Variants in TP53BP1 observed in about 807,000 individuals in gnomAD.
TP53BP1 encodes the protein TP53-binding protein 1.
A neutral mutation model predicts 200.8 loss-of-function variants in TP53BP1; 61 were observed. The observed-to-expected ratio is 0.30, with a 90% CI of 0.25 to 0.38. The LOEUF is 0.38. Among genes scored for constraint, TP53BP1 ranks in the 10% least tolerant of loss-of-function variants. The pLI is 1.00. For missense variants in TP53BP1, 2,144 were observed against 2,371.9 expected, an observed-to-expected ratio of 0.90 and a Z score of 2.00; for synonymous variants, 822 against 844.3, an observed-to-expected ratio of 0.97 and a Z score of 0.46.
At chr15:43,496,734 C>T (rs954589346), upstream of TP53BP1, among the ~76,000 whole-genome samples, 1 of 151,764 alleles carries the variant, frequency 6.6e-6, no homozygotes, top group Admixed American at 6.6e-5. Context: ...ACTGATTCTC[C>T]TGCCTCAGCC....
intron 22 of TP53BP1, 35 bp downstream of exon 22, chr15:43,416,190 C>T: frequency 6.3e-7 from 1 of 1,583,922 alleles, no homozygotes; most frequent in Admixed American, 1.7e-5. Flanking sequence ...AGAACAGGAG[C>T]CCAAAAGCAG....
chr15:43,487,528 C>T (rs1384862465), intron 4 of TP53BP1, among the ~76,000 whole-genome samples: 1 of 152,164 alleles, frequency 6.6e-6, no homozygotes, highest in Non-Finnish European at 1.5e-5. Flanking sequence ...CACAGTGACT[C>T]ACACCTATAA....
chr15:43,508,296 G>T (rs1435130468), intron 1 of TP53BP1, among the ~76,000 whole-genome samples: 1 of 152,118 alleles, frequency 6.6e-6, no homozygotes, highest in Non-Finnish European at 1.5e-5. Flanking sequence ...GGAGGCAGAG[G>T]TTGCAGTGAA....
intron 11 of TP53BP1, among the ~76,000 whole-genome samples, chr15:43,459,016 C>A (rs879900856): frequency 3.3e-5 from 5 of 152,092 alleles, no homozygotes; most frequent in Non-Finnish European, 5.9e-5. Flanking sequence ...GATGTGCATC[C>A]AAATGATCAC....
intron 23 of TP53BP1, chr15:43,413,969 GGTAA>G (rs1180249232): frequency 5.4e-6 from 2 of 370,790 alleles, no homozygotes; most frequent in Non-Finnish European, 1.1e-5. Context: ...TCAACACCTG[GGTAA>G]GTAAGTGAAC....
rs1015416741 is a variant in TP53BP1, at chr15:43,406,163, A to C, written c.*1220T>G. 1 of 152,632 alleles carries C rather than the reference A, an allele frequency of 6.6e-6. No homozygotes were observed. The highest frequency in any genetic ancestry group is 1.5e-5 in the Non-Finnish European group (1 of 68,446). 9.5% of individuals were successfully genotyped at this position (152,632 alleles called of 1,614,324 possible). A position where few individuals can be genotyped will look rare whatever the true frequency, so the allele number is the denominator to read the frequency against. On this transcript the variant is annotated 3_prime_UTR_variant, in exon 28 of 28. Transcript: ENST00000382044. ...TTGCAGGCCCAATTACCCATCTTAC[A>C]CAAACCATAGGGGTTGAAGTTATCT... is the stretch of plus-strand genomic sequence containing the variant.
intron 21 of TP53BP1, among the ~76,000 whole-genome samples, chr15:43,419,878 T>C (rs1273898144): frequency 6.6e-6 from 1 of 152,212 alleles, no homozygotes; most frequent in Non-Finnish European, 1.5e-5. Flanking sequence ...AAATGCAATG[T>C]TGGATGCTGG....
chr15:43,478,597 TA>T (rs2140118479), intron 7 of TP53BP1, among the ~76,000 whole-genome samples: 1 of 152,272 alleles, frequency 6.6e-6, no homozygotes, highest in African/African-American at 2.4e-5. Flanking sequence ...GCTTTGGTTA[TA>T]AAAATCACGA....
intron 23 of TP53BP1, chr15:43,413,916 G>A (rs1395496631): frequency 2.9e-6 from 1 of 349,298 alleles, no homozygotes; most frequent in African/African-American, 2.2e-5. Context: ...TTTACACATA[G>A]ATGGTGCCAC....
chr15:43,414,024 G>C, intron 23 of TP53BP1: 1 of 438,118 alleles, frequency 2.3e-6, no homozygotes, highest in South Asian at 1.7e-5. Flanking sequence ...CCCCCAATAA[G>C]TCCTTGAGAA....
rs1233589778 is a variant in TP53BP1, at chr15:43,456,726, A to T, written c.1882T>A (p.Ser628Thr). 6.2e-7 allele frequency: 1 copy of T among 1,613,990 alleles called. No individual in the cohort carries two copies. Among genetic ancestry groups the T allele is most frequent in the Non-Finnish European group, 8.5e-7 (1 of 1,180,026 alleles). The change falls in exon 12 of 28, where the codon TCG becomes ACG. Residue 628 changes from serine (S) to threonine (T), a missense_variant. This residue lies in a region of TP53BP1 where 1,700 missense variants were observed against 1,710.3 expected (regional missense o/e 0.99). Transcript: ENST00000382044. ...GGTGACGGAACTGCCTGACTCCCCG[A>T]ATCACAAGTGAGATCAATACAAACA... is the stretch of plus-strand genomic sequence containing the variant. Reference protein sequence around the residue: ...EDVCIDLTCDSGSQAVPSPAT... With the variant: ...EDVCIDLTCDTGSQAVPSPAT...
rs371448395 is a variant in TP53BP1 at position 43,485,485 on chromosome 15, G to A, written c.372-4463C>T. Among the ~76,000 whole-genome samples the A allele has an allele frequency of 4.5e-4, 67 of 147,548 alleles. No homozygotes were observed. In the South Asian group the frequency reaches 0.013, roughly 30 times the overall value. Reference sequence around the variant, plus strand: ...CCAGCTACTTGGGAGGCTGAGGCAGGAGAATGACGTGAACCCAGGAGGCGG... The same window carrying A: ...CCAGCTACTTGGGAGGCTGAGGCAGAAGAATGACGTGAACCCAGGAGGCGG... On this transcript the variant is annotated intron_variant, in intron 4 of 27. Coordinates refer to ENST00000382044, the MANE Select transcript of TP53BP1 (RefSeq NM_001141980.3).
rs2439831 is a variant in TP53BP1 at position 43,492,277 on chromosome 15, C to T, written c.192+7G>A. On this transcript the variant is annotated splice_region_variant and intron_variant, in intron 2 of 27. Transcript: ENST00000382044. ...GCTCAATCTTCTTCAAACAAGGTAT[C>T]ACTCACCAACACAGGATTTTCTTTG... The T allele has an allele frequency of 0.15, 242,847 of 1,609,232 alleles. 30,316 individuals are homozygous for T. Among genetic ancestry groups the T allele is most frequent in the African/African-American group, 0.62 (46,266 of 74,638 alleles).
chr15:43,481,682 G>C (rs1001265348), intron 4 of TP53BP1, among the ~76,000 whole-genome samples: 3 of 151,354 alleles, frequency 2.0e-5, no homozygotes, highest in Admixed American at 1.3e-4. Context: ...GGGTGTGGTG[G>C]CATGCGCCTG....
At position 43,475,739 on chromosome 15, in the gene TP53BP1, T is replaced by C. The variant is rs745666919; in HGVS notation, c.956-45A>G. The C allele has an allele frequency of 5.6e-6, 9 of 1,610,590 alleles. No homozygotes were observed. In the East Asian group the frequency reaches 1.1e-4, roughly 20 times the overall value. Reference sequence around the variant, plus strand: ...GTTGCACTTCTCAGATTGACACTACTGAGCTGCCAAAAACCATTCAGTACT... The same window carrying C: ...GTTGCACTTCTCAGATTGACACTACCGAGCTGCCAAAAACCATTCAGTACT... On this transcript the variant is annotated intron_variant, in intron 8 of 27. Transcript: ENST00000382044.
At chr15:43,423,715 A>C (rs1360015929) in intron 18 of TP53BP1, among the ~76,000 whole-genome samples, 1 of 152,074 alleles carries the variant, frequency 6.6e-6, no homozygotes, top group African/African-American at 2.4e-5. Context: ...ATACATATAC[A>C]TTTAGATAAT....
rs2046304516 is a variant in TP53BP1 at position 43,456,643 on chromosome 15, A to G, written c.1965T>C (p.Ile655=). The G allele has an allele frequency of 6.2e-7, 1 of 1,614,160 alleles. No homozygotes were observed. The highest frequency in any genetic ancestry group is 1.3e-5 in the African/African-American group (1 of 75,046). The change falls in exon 12 of 28, where the codon ATT becomes ATC. Residue 655 remains isoleucine, a synonymous_variant. Coordinates refer to ENST00000382044, the MANE Select transcript of TP53BP1 (RefSeq NM_001141980.3). ...ACCCCTCCTCTGGATGGTGTTCTTT[A>G]ATTTCCATAGCTTCCTCCTGATCTA... ...SVLDQEEAME[I]KEHHPEEGSS...
At position 43,407,338 on chromosome 15, in the gene TP53BP1, A is replaced by AAT; in HGVS notation, c.*43_*44dup. On this transcript the variant is annotated 3_prime_UTR_variant, in exon 28 of 28. Transcript: ENST00000382044. The stretch of plus-strand genomic sequence containing the variant: ...CACATTTAAAACCTGGTTAAAACAC[A>AAT]ATCTCCACGATAGCAGGGAATAAAA... 6.4e-7 allele frequency: 1 copy of AAT among 1,571,840 alleles called. No individual in the cohort carries two copies.
intron 21 of TP53BP1, chr15:43,416,779 TCC>T (rs2045275274): frequency 5.9e-6 from 1 of 168,858 alleles, no homozygotes; most frequent in Non-Finnish European, 1.3e-5. Flanking sequence ...CCTTCTTGGT[TCC>T]CTGGGAGGCT....
Sources: gnomAD v4.1 joint callset for allele counts (sites outside exome capture counted in the v4.1 genomes callset) on GRCh38, gnomAD v4.1.1 for gene constraint, gnomAD v4.1.1 regional missense constraint, MANE v1.5 for transcripts, NCBI Gene and HGNC (gene_info 2026-07-23, HGNC 2026-07-21) for gene names.